Variants in SLC14A2 observed in about 807,000 individuals in gnomAD.
The protein encoded by SLC14A2 is solute carrier family 14 member 2, also known as urea transporter 2.
A neutral mutation model predicts 104.6 loss-of-function variants in SLC14A2; 91 were observed. That is an observed-to-expected ratio of 0.87 (90% confidence interval 0.73 to 1.04). The LOEUF (loss-of-function observed/expected upper bound fraction) is 1.04. Among genes scored for constraint, SLC14A2 ranks in the 50% least tolerant of loss-of-function variants. The pLI is 0.00. For missense variants in SLC14A2, 1,189 were observed against 1,156.0 expected (o/e 1.03, Z -0.41); for synonymous variants, 476 against 466.4 (o/e 1.02, Z -0.27).
chr18:45,498,555 T>A (rs1430189658), intron 2 of SLC14A2, among the ~76,000 whole-genome samples: 3 of 152,120 alleles, frequency 2.0e-5, no homozygotes. Context: ...AAGCTCACAC[T>A]CCCTCTGTAT....
At chr18:45,256,922 T>C (rs12457791) in intron 1 of SLC14A2, among the ~76,000 whole-genome samples, 11,976 of 152,342 alleles carry the variant, frequency 0.079, 540 homozygotes, top group African/African-American at 0.097. Flanking sequence ...CTGGGGCTCA[T>C]GGTCAAGGCC....
intron 1 of SLC14A2, among the ~76,000 whole-genome samples, chr18:45,376,880 G>A (rs1237328054): frequency 6.6e-6 from 1 of 152,088 alleles, no homozygotes; most frequent in Non-Finnish European, 1.5e-5. Context: ...CTTTTCTCTT[G>A]CTCATACTTT....
intron 1 of SLC14A2, among the ~76,000 whole-genome samples, chr18:45,244,586 A>G (rs914678512): frequency 3.3e-5 from 5 of 151,284 alleles, no homozygotes; most frequent in African/African-American, 1.2e-4. Flanking sequence ...AGATTGTCCT[A>G]CTGCACTCCA....
At chr18:45,230,449 T>G (rs2084163357) in intron 1 of SLC14A2, among the ~76,000 whole-genome samples, 1 of 152,208 alleles carries the variant, frequency 6.6e-6, no homozygotes, top group Non-Finnish European at 1.5e-5. Flanking sequence ...ACAGTGACAT[T>G]GCATCTGTCT....
Position 45,470,718 on chromosome 18 carries a change from G to A in SLC14A2, c.-124-12515G>A, listed in dbSNP as rs574380505. Reference sequence around the variant, plus strand: ...ATGACATGTGTATAGTTCCTCTTCTGTAGCCTCTCATTTTTCTACTCTTAC... The same window carrying A: ...ATGACATGTGTATAGTTCCTCTTCTATAGCCTCTCATTTTTCTACTCTTAC... On this transcript the variant is annotated intron_variant, in intron 1 of 20. Coordinates refer to the SLC14A2 transcript ENST00000586448. 2.0e-5 allele frequency among the ~76,000 whole-genome samples: 3 copies of A among 152,110 alleles called. No homozygotes were observed. In the East Asian group the frequency reaches 5.8e-4, roughly 29 times the overall value.
At chr18:45,240,715 T>A (rs974500948) in intron 1 of SLC14A2, among the ~76,000 whole-genome samples, 1 of 151,380 alleles carries the variant, frequency 6.6e-6, no homozygotes, top group African/African-American at 2.4e-5. Context: ...TGGAGTGCAG[T>A]GGAGTGATCT....
intron 1 of SLC14A2, among the ~76,000 whole-genome samples, chr18:45,319,875 G>A (rs7232133): frequency 0.27 from 41,089 of 152,062 alleles, 5,639 homozygotes; most frequent in South Asian, 0.32. Context: ...TTGCTCTGGT[G>A]CAAACAGAAC....
At chr18:45,176,148 G>A in the SLC14A2 span, among the ~76,000 whole-genome samples, 2 of 152,174 alleles carry the variant, frequency 1.3e-5, no homozygotes, top group Non-Finnish European at 2.9e-5. Flanking sequence ...TTGCCCACTC[G>A]AAGTTGTAAG....
At chr18:45,358,418 C>T (rs2085576838) in intron 1 of SLC14A2, among the ~76,000 whole-genome samples, 1 of 152,162 alleles carries the variant, frequency 6.6e-6, no homozygotes, top group South Asian at 2.1e-4. Flanking sequence ...CTATAGGCCA[C>T]TTCTGTCGGG....
chr18:45,197,464 G>A, the SLC14A2 span, among the ~76,000 whole-genome samples: 1 of 152,048 alleles, frequency 6.6e-6, no homozygotes, highest in South Asian at 2.1e-4. Context: ...GAAGATATTC[G>A]GGGTCAAAAA....
intron 2 of SLC14A2, among the ~76,000 whole-genome samples, chr18:45,540,606 G>A (rs755766740): frequency 1.8e-4 from 27 of 152,114 alleles, no homozygotes; most frequent in Non-Finnish European, 3.5e-4. Context: ...TTAGCCAGGT[G>A]TGGTGGAGGG....
At chr18:45,395,748 T>A (rs1428163853) in intron 1 of SLC14A2, among the ~76,000 whole-genome samples, 1 of 152,182 alleles carries the variant, frequency 6.6e-6, no homozygotes, top group Non-Finnish European at 1.5e-5. Context: ...CACCCCATTA[T>A]GTCCCTATAA....
intron 2 of SLC14A2, among the ~76,000 whole-genome samples, chr18:45,554,656 G>A (rs754169150): frequency 1.3e-5 from 2 of 152,104 alleles, no homozygotes; most frequent in Non-Finnish European, 2.9e-5. Flanking sequence ...GGGAAGGATG[G>A]GGGTGTGGGG....
intron 1 of SLC14A2, among the ~76,000 whole-genome samples, chr18:45,287,845 G>A (rs915118397): frequency 1.3e-5 from 2 of 151,778 alleles, no homozygotes; most frequent in African/African-American, 2.4e-5. Flanking sequence ...TGGATGAAAC[G>A]TGGTCTTCCC....
At chr18:45,230,789 T>A (rs1473254288) in intron 1 of SLC14A2, among the ~76,000 whole-genome samples, 1 of 152,212 alleles carries the variant, frequency 6.6e-6, no homozygotes, top group Non-Finnish European at 1.5e-5. Context: ...AATCCAGTTC[T>A]CAGAGTGTCA....
chr18:45,213,511 T>C (rs972048498), intron 1 of SLC14A2, among the ~76,000 whole-genome samples: 5 of 152,160 alleles, frequency 3.3e-5, no homozygotes, highest in Non-Finnish European at 5.9e-5. Context: ...TAGTAGATTT[T>C]ATATACCAAA....
intron 1 of SLC14A2, among the ~76,000 whole-genome samples, chr18:45,434,900 C>T (rs1378557838): frequency 3.3e-5 from 5 of 152,214 alleles, no homozygotes; most frequent in Admixed American, 2.0e-4. Flanking sequence ...CTCTGACATA[C>T]ATAACCATGG....
chr18:45,457,674 A>G (rs2086968227), intron 1 of SLC14A2, among the ~76,000 whole-genome samples: 1 of 110,480 alleles, frequency 9.1e-6, no homozygotes, highest in Admixed American at 1.1e-4. Context: ...GCAATCAGAA[A>G]GGTTATGGAG....
chr18:45,391,900 T>A (rs2085972457), intron 1 of SLC14A2, among the ~76,000 whole-genome samples: 1 of 152,242 alleles, frequency 6.6e-6, no homozygotes, highest in African/African-American at 2.4e-5. Context: ...GATGGTGGTT[T>A]CTTTTGCTGT....
Sources: allele counts gnomAD v4.1 joint callset (sites outside exome capture counted in the v4.1 genomes callset), GRCh38; gene constraint gnomAD v4.1.1; transcripts MANE v1.5; gene names NCBI Gene and HGNC (gene_info 2026-07-23, HGNC 2026-07-21).